The following APBA1 variants were observed in gnomAD, a reference collection of about 807,000 sequenced individuals.
APBA1 encodes the protein amyloid-beta A4 precursor protein-binding family A member 1.
A neutral mutation model predicts 86.6 loss-of-function variants in APBA1; 55 were observed. That is an observed-to-expected ratio of 0.64 (90% CI 0.51 to 0.80). APBA1 has a LOEUF of 0.80. Among genes scored for constraint, APBA1 ranks in the 30% least tolerant of loss-of-function variants. The pLI is 0.00. For synonymous variants in APBA1, 511 were observed against 493.9 expected (o/e 1.03, Z -0.46); for missense variants, 1,090 against 1,183.0 (o/e 0.92, Z 1.15).
intron 9 of APBA1, among the ~76,000 whole-genome samples, chr9:69,450,368 C>CT (rs1834986311): frequency 6.6e-6 from 1 of 152,174 alleles, no homozygotes; most frequent in South Asian, 2.1e-4. Context: ...GATACACAGA[C>CT]TTTTCACAAC....
intron 1 of APBA1, among the ~76,000 whole-genome samples, chr9:69,561,482 G>A (rs1230651557): frequency 6.6e-6 from 1 of 152,100 alleles, no homozygotes; most frequent in Non-Finnish European, 1.5e-5. Flanking sequence ...AACATCAAGT[G>A]GAGAACAAAA....
Position 69,452,250 on chromosome 9 carries a change from C to T in APBA1, c.1840G>A (p.Glu614Lys). The change falls in exon 9 of 13, where the codon GAA (glutamate) becomes AAA (lysine). Residue 614 changes from glutamate (E) to lysine (K), a missense_variant. Coordinates refer to ENST00000265381, the MANE Select transcript of APBA1 (RefSeq NM_001163.4). ...TTAATCCCATTGGCCCTGAGGAATT[C>T]CTGGTATGCCACGCTAAATGCCTGT... ...IGQAFSVAYQEFLRANGINPE... is the reference protein window; with the variant it reads ...IGQAFSVAYQKFLRANGINPE... The T allele has an allele frequency of 6.2e-7, 1 of 1,614,216 alleles. No homozygotes were observed. The highest frequency in any genetic ancestry group is 8.5e-7 in the Non-Finnish European group (1 of 1,180,042).
At chr9:69,660,579 G>A (rs938549190) in intron 1 of APBA1, among the ~76,000 whole-genome samples, 1 of 152,162 alleles carries the variant, frequency 6.6e-6, no homozygotes, top group Non-Finnish European at 1.5e-5. Flanking sequence ...ACAGAGGGGG[G>A]AAATACTTTA....
intron 1 of APBA1, among the ~76,000 whole-genome samples, chr9:69,556,035 C>A (rs1178533691): frequency 2.0e-5 from 3 of 151,936 alleles, no homozygotes; most frequent in African/African-American, 4.8e-5. Flanking sequence ...AAACAAAAAC[C>A]AAACCACTTT....
At position 69,431,229 on chromosome 9, in the gene APBA1, G is replaced by T; in HGVS notation, c.*98C>A. The T allele has an allele frequency of 2.3e-6, 2 of 877,856 alleles. No individual in the cohort carries two copies. Among genetic ancestry groups the T allele is most frequent in the Admixed American group, 2.8e-5 (1 of 35,266 alleles). The allele number at this position is 877,856 out of a possible 1,614,324, so 54.4% of individuals were successfully genotyped here. A position where few individuals can be genotyped will look rare whatever the true frequency, so the allele number is the denominator to read the frequency against. On this transcript the variant is annotated 3_prime_UTR_variant, in exon 13 of 13. Transcript: ENST00000265381. ...TCCTGTGTAAAACCAAATGCTGGGC[G>T]CGAGAGGGGAAAGTCTCAGTGGACA...
intron 1 of APBA1, among the ~76,000 whole-genome samples, chr9:69,591,874 G>A (rs1479699640): frequency 1.3e-5 from 2 of 152,100 alleles, no homozygotes; most frequent in Non-Finnish European, 2.9e-5. Context: ...CTTTTCTTTT[G>A]TTAATCTGAT....
At chr9:69,613,363 T>G (rs1796118040) in intron 1 of APBA1, among the ~76,000 whole-genome samples, 1 of 152,204 alleles carries the variant, frequency 6.6e-6, no homozygotes, top group Non-Finnish European at 1.5e-5. Flanking sequence ...TTTTTTTTCC[T>G]AAGCCATTTA....
chr9:69,639,670 G>C (rs1472065219), intron 1 of APBA1, among the ~76,000 whole-genome samples: 1 of 152,142 alleles, frequency 6.6e-6, no homozygotes, highest in Non-Finnish European at 1.5e-5. Context: ...TGGAGGGTGT[G>C]AGCAAACCAA....
chr9:69,598,099 C>T (rs1335844559), intron 1 of APBA1, among the ~76,000 whole-genome samples: 1 of 151,860 alleles, frequency 6.6e-6, no homozygotes, highest in Non-Finnish European at 1.5e-5. Context: ...GAATACTATG[C>T]AGCCATAAAA....
chr9:69,473,321 C>T (rs1352229621), intron 3 of APBA1, among the ~76,000 whole-genome samples: 1 of 152,194 alleles, frequency 6.6e-6, no homozygotes, highest in Non-Finnish European at 1.5e-5. Context: ...ACCCTCATAA[C>T]TTCATGGTAT....
Position 69,428,484 on chromosome 9 carries a change from C to T in APBA1, c.*2843G>A, listed in dbSNP as rs1339071493. ...GAAAAGGCAGGATGGGTTCTGGTGCCTCTGCCTGGACCAGGAGGGGGAGGT... is the reference window on the plus strand; with the variant it reads ...GAAAAGGCAGGATGGGTTCTGGTGCTTCTGCCTGGACCAGGAGGGGGAGGT... On this transcript the variant is annotated 3_prime_UTR_variant, in exon 13 of 13. Transcript: ENST00000265381. 6.6e-6 allele frequency: 1 copy of T among 152,266 alleles called. No individual in the cohort carries two copies. The highest frequency in any genetic ancestry group is 2.4e-5 in the African/African-American group (1 of 41,430). 9.4% of individuals were successfully genotyped at this position (152,266 alleles called of 1,614,324 possible). A position where few individuals can be genotyped will look rare whatever the true frequency, so the allele number is the denominator to read the frequency against.
At chr9:69,653,014 C>CA (rs35226509) in intron 1 of APBA1, among the ~76,000 whole-genome samples, 94,088 of 145,622 alleles carry the variant, frequency 0.65, 32,726 homozygotes, top group East Asian at 0.96. Context: ...CAAAAACAAG[C>CA]AAAAAAAAAA....
At chr9:69,659,951 G>A (rs1401417680) in intron 1 of APBA1, among the ~76,000 whole-genome samples, 2 of 152,182 alleles carry the variant, frequency 1.3e-5, no homozygotes, top group African/African-American at 4.8e-5. Context: ...AGTAGATACT[G>A]TTAGTGATTT....
intron 1 of APBA1, among the ~76,000 whole-genome samples, chr9:69,594,817 A>C (rs1343311474): frequency 2.0e-5 from 3 of 152,114 alleles, no homozygotes; most frequent in Non-Finnish European, 4.4e-5. Flanking sequence ...CTGGTGAAGA[A>C]GTGGTGGTTA....
At chr9:69,590,777 G>A (rs188943297) in intron 1 of APBA1, among the ~76,000 whole-genome samples, 4 of 152,238 alleles carry the variant, frequency 2.6e-5, no homozygotes, top group Admixed American at 6.5e-5. Flanking sequence ...TCCCAGCTTC[G>A]CCAGGGTGGG....
intron 1 of APBA1, among the ~76,000 whole-genome samples, chr9:69,658,081 T>A (rs1255081211): frequency 6.6e-6 from 1 of 152,154 alleles, no homozygotes; most frequent in Non-Finnish European, 1.5e-5. Flanking sequence ...ACCACACACA[T>A]GTATCACTAG....
chr9:69,597,640 T>C, intron 1 of APBA1, among the ~76,000 whole-genome samples: 1 of 152,178 alleles, frequency 6.6e-6, no homozygotes, highest in Non-Finnish European at 1.5e-5. Context: ...GTTTTTATGG[T>C]TTTAGGTCTA....
chr9:69,556,577 C>A (rs958234205), intron 1 of APBA1, among the ~76,000 whole-genome samples: 3 of 152,188 alleles, frequency 2.0e-5, no homozygotes, highest in African/African-American at 7.2e-5. Context: ...TAGAAAAACA[C>A]GAGCCTCTGC....
intron 1 of APBA1, among the ~76,000 whole-genome samples, chr9:69,645,848 A>T (rs1823381069): frequency 1.3e-5 from 2 of 152,182 alleles, no homozygotes; most frequent in Admixed American, 1.3e-4. Flanking sequence ...GTGCTGCTCC[A>T]GGAAGCTCAG....
Sources: gnomAD v4.1 joint callset for allele counts (sites outside exome capture counted in the v4.1 genomes callset) on GRCh38, gnomAD v4.1.1 for gene constraint, MANE v1.5 for transcripts, NCBI Gene and HGNC (gene_info 2026-07-23, HGNC 2026-07-21) for gene names.